Variants in SCFD2 observed in about 807,000 individuals in gnomAD.
The protein encoded by SCFD2 is sec1 family domain-containing protein 2.
SCFD2 carries 54 observed loss-of-function variants against 58.9 expected under a neutral mutation model. That is an observed-to-expected ratio of 0.92 (90% CI 0.74 to 1.15). The LOEUF is 1.15. Among genes scored for constraint, SCFD2 ranks in the 50% most tolerant of loss-of-function variants. The pLI is 0.00. For synonymous variants in SCFD2, 321 were observed against 335.9 expected (o/e 0.96, Z 0.49); for missense variants, 805 against 836.6 (o/e 0.96, Z 0.47).
At chr4:53,064,275 C>T (rs1324232052) in intron 5 of SCFD2, among the ~76,000 whole-genome samples, 1 of 152,074 alleles carries the variant, frequency 6.6e-6, no homozygotes, top group Non-Finnish European at 1.5e-5. Context: ...TCTCCTTCCA[C>T]CCTCCCCCTC....
chr4:53,252,319 T>C (rs1437873690), intron 4 of SCFD2, among the ~76,000 whole-genome samples: 1 of 149,970 alleles, frequency 6.7e-6, no homozygotes, highest in Non-Finnish European at 1.5e-5. Context: ...CCAAGGTAAT[T>C]TACAGATTCA....
At chr4:53,255,908 A>T (rs1306459497) in intron 4 of SCFD2, among the ~76,000 whole-genome samples, 1 of 132,486 alleles carries the variant, frequency 7.5e-6, no homozygotes, top group Non-Finnish European at 1.7e-5. Flanking sequence ...ACTTCCCAGT[A>T]GGGGCGGCCG....
chr4:52,877,643 G>T (rs1461663339), intron 8 of SCFD2, among the ~76,000 whole-genome samples: 2 of 152,186 alleles, frequency 1.3e-5, no homozygotes, highest in Non-Finnish European at 2.9e-5. Context: ...GCTTAGAATG[G>T]CAGCTGCCAT....
chr4:52,893,167 T>A (rs184566894), intron 7 of SCFD2, among the ~76,000 whole-genome samples: 1 of 152,308 alleles, frequency 6.6e-6, no homozygotes, highest in Non-Finnish European at 1.5e-5. Context: ...ATCCAATAGT[T>A]CAACCCTCTG....
chr4:52,896,329 A>G (rs534452039), intron 7 of SCFD2, among the ~76,000 whole-genome samples: 3 of 152,046 alleles, frequency 2.0e-5, no homozygotes, highest in African/African-American at 7.2e-5. Flanking sequence ...ATCTTGAATT[A>G]ATTTTTGTAT....
chr4:53,121,484 G>A (rs1257841433), intron 5 of SCFD2, among the ~76,000 whole-genome samples: 2 of 152,228 alleles, frequency 1.3e-5, no homozygotes, highest in Non-Finnish European at 2.9e-5. Context: ...CAGGGCTCCA[G>A]AACAGCTAGG....
intron 3 of SCFD2, among the ~76,000 whole-genome samples, chr4:53,295,937 G>A (rs748698106): frequency 6.6e-5 from 10 of 152,138 alleles, no homozygotes; most frequent in East Asian, 5.8e-4. Context: ...GATGGATTAC[G>A]TTTATTGATT....
At chr4:52,920,187 C>T (rs552448509) in intron 6 of SCFD2, among the ~76,000 whole-genome samples, 1 of 152,282 alleles carries the variant, frequency 6.6e-6, no homozygotes, top group Admixed American at 6.5e-5. Context: ...AATCTTGATA[C>T]CATCTCTTTA....
At chr4:53,333,839 A>G (rs1225208639) in intron 2 of SCFD2, among the ~76,000 whole-genome samples, 17 of 138,390 alleles carry the variant, frequency 1.2e-4, no homozygotes, top group Admixed American at 1.1e-3. Context: ...GAAAATTTTC[A>G]CAACCTACTC....
At chr4:53,004,435 G>A (rs1237718679) in intron 5 of SCFD2, among the ~76,000 whole-genome samples, 1 of 152,150 alleles carries the variant, frequency 6.6e-6, no homozygotes, top group Non-Finnish European at 1.5e-5. Flanking sequence ...ATCAGAATAA[G>A]TCCCATAGCT....
intron 5 of SCFD2, among the ~76,000 whole-genome samples, chr4:53,027,898 T>G (rs1249563088): frequency 1.3e-5 from 2 of 152,068 alleles, no homozygotes; most frequent in African/African-American, 4.8e-5. Flanking sequence ...TAATTAAGAT[T>G]TTATTTTTTT....
rs3064988 is a variant in SCFD2 at position 53,176,947 on chromosome 4, CAAAA to C, written c.1312-31369_1312-31366del. ...CTGGAAAACAGAGTGACAACAATCT[CAAAA>C]AAAAAAAAAAAAAGAAAGAAAAAAA... On this transcript the variant is annotated intron_variant, in intron 4 of 8. Coordinates refer to ENST00000401642, the MANE Select transcript of SCFD2 (RefSeq NM_152540.4). 3.2e-4 allele frequency among the ~76,000 whole-genome samples: 40 copies of C among 124,678 alleles called. 1 individual carries two copies. The South Asian group carries it at 7.7e-3, about 24-fold the overall frequency. 81.8% of individuals were successfully genotyped at this position (124,678 alleles called of 152,430 possible).
intron 5 of SCFD2, among the ~76,000 whole-genome samples, chr4:52,971,730 T>G (rs1322053351): frequency 6.6e-6 from 1 of 152,012 alleles, no homozygotes; most frequent in Non-Finnish European, 1.5e-5. Flanking sequence ...TCACCAAAGT[T>G]GAAATGAAGG....
At chr4:52,974,503 C>G (rs1041357020) in intron 5 of SCFD2, among the ~76,000 whole-genome samples, 6 of 152,112 alleles carry the variant, frequency 3.9e-5, no homozygotes, top group Non-Finnish European at 8.8e-5. Context: ...CAAACCACTG[C>G]TCAAGGAAAT....
At chr4:53,330,867 C>T (rs1285195592) in intron 2 of SCFD2, among the ~76,000 whole-genome samples, 1 of 151,962 alleles carries the variant, frequency 6.6e-6, no homozygotes, top group Non-Finnish European at 1.5e-5. Flanking sequence ...CGTGCAGAGA[C>T]ACACACAGGC....
chr4:53,128,271 G>A (rs1725691760), intron 5 of SCFD2, among the ~76,000 whole-genome samples: 1 of 152,082 alleles, frequency 6.6e-6, no homozygotes, highest in South Asian at 2.1e-4. Flanking sequence ...GATGGCTTTT[G>A]TTCTGTTCTA....
intron 7 of SCFD2, among the ~76,000 whole-genome samples, chr4:52,888,603 A>G (rs1718807177): frequency 6.6e-6 from 1 of 152,142 alleles, no homozygotes. Flanking sequence ...TGACATTTCT[A>G]TGGCATGTCA....
intron 2 of SCFD2, among the ~76,000 whole-genome samples, chr4:53,343,369 C>T (rs1314587415): frequency 1.3e-5 from 2 of 152,128 alleles, no homozygotes; most frequent in East Asian, 1.9e-4. Context: ...TGGATAAATT[C>T]CTAGACACTT....
chr4:53,267,787 C>A (rs188357053), intron 4 of SCFD2, among the ~76,000 whole-genome samples: 1 of 152,186 alleles, frequency 6.6e-6, no homozygotes, highest in East Asian at 1.9e-4. Context: ...TTGAAAGAAC[C>A]ACACCAATTA....
Sources: gnomAD v4.1 joint callset for allele counts (sites outside exome capture counted in the v4.1 genomes callset) on GRCh38, gnomAD v4.1.1 for gene constraint, MANE v1.5 for transcripts, NCBI Gene and HGNC (gene_info 2026-07-23, HGNC 2026-07-21) for gene names.